Variants in ANKRD30A observed in about 807,000 individuals in gnomAD.
The protein encoded by ANKRD30A is ankyrin repeat domain 30A.
In ANKRD30A, 170 loss-of-function variants were observed where a neutral mutation model predicts 166.3. The ratio of observed to expected loss-of-function variants is 1.02; its 90% CI spans 0.90 to 1.16. The LOEUF is 1.16. Ranked by LOEUF, ANKRD30A falls within the 50% of genes most tolerant of loss-of-function variation. The pLI is 0.00. For missense variants in ANKRD30A, 1,630 were observed against 1,518.0 expected (o/e 1.07, Z -1.23); for synonymous variants, 564 against 508.9 (o/e 1.11, Z -1.46).
chr10:37,197,403 T>C lies in ANKRD30A; in HGVS notation c.2644-5T>C. On this transcript the variant is annotated splice_region_variant and splice_polypyrimidine_tract_variant and intron_variant, in intron 28 of 35. Transcript: ENST00000361713. ...ATTAATCATTTTGCTTCCAACCCCA[T>C]TTAGCCTGCCATTGAAATGCAAAAG... is the stretch of plus-strand genomic sequence containing the variant. 1.2e-6 allele frequency: 2 copies of C among 1,612,668 alleles called. No individual in the cohort carries two copies. Among genetic ancestry groups the C allele is most frequent in the Non-Finnish European group, 8.5e-7 (1 of 1,179,726 alleles).
At chr10:37,153,401 T>G (rs1297954460) in intron 12 of ANKRD30A, among the ~76,000 whole-genome samples, 171 bp from the exon 13 acceptor site, 3 of 152,132 alleles carry the variant, frequency 2.0e-5, no homozygotes, top group Non-Finnish European at 4.4e-5. Flanking sequence ...GAGGGTTGTG[T>G]GAGGTTTTCT....
At chr10:37,202,899 A>G (rs1841737495) in intron 31 of ANKRD30A, among the ~76,000 whole-genome samples, 2 of 152,306 alleles carry the variant, frequency 1.3e-5, no homozygotes, top group African/African-American at 4.8e-5. Context: ...AAAAATGGAT[A>G]AATTCCTGGA....
At position 37,219,334 on chromosome 10, in the gene ANKRD30A, G is replaced by A. The variant is rs1588949096; in HGVS notation, c.3622G>A (p.Asp1208Asn). The change falls in exon 34 of 36, where the codon GAC becomes AAC. Residue 1208 changes from aspartate to asparagine, a missense_variant. Asp to Asn is a conservative substitution (Grantham distance 23). Transcript: ENST00000361713. ...TCCTAGACTGGCTTCTGCTGTACAA[G>A]ACCATGATCAAATTGTGACATCAAG... ...HHPRLASAVQ[D>N]HDQIVTSRKS... 1 of 1,610,340 alleles carries A rather than the reference G, an allele frequency of 6.2e-7. No homozygotes were observed. Among genetic ancestry groups the A allele is most frequent in the Non-Finnish European group, 8.5e-7 (1 of 1,177,586 alleles).
chr10:37,231,532 T>C lies in ANKRD30A; in HGVS notation c.*63T>C. ...AGACCAGATCTTTACTCACAACTCA[T>C]GCTAGGAGGCCAGTCCTAGCATCAC... On this transcript the variant is annotated 3_prime_UTR_variant, in exon 35 of 36. Coordinates refer to ENST00000361713, the MANE Select transcript of ANKRD30A (RefSeq NM_052997.3). 2 of 1,418,260 alleles carry C rather than the reference T, an allele frequency of 1.4e-6. No homozygotes were observed. The highest frequency in any genetic ancestry group is 1.9e-6 in the Non-Finnish European group (2 of 1,032,832). 87.9% of individuals were successfully genotyped at this position (1,418,260 alleles called of 1,614,324 possible). A position where few individuals can be genotyped will look rare whatever the true frequency, so the allele number is the denominator to read the frequency against.
chr10:37,159,710 G>GTTTTGT (rs1239120579), intron 15 of ANKRD30A, among the ~76,000 whole-genome samples: 1 of 151,384 alleles, frequency 6.6e-6, no homozygotes, highest in African/African-American at 2.4e-5. Flanking sequence ...TTTTTGTTTT[G>GTTTTGT]TTTTGTTTTT....
intron 34 of ANKRD30A, among the ~76,000 whole-genome samples, chr10:37,231,106 C>T (rs1843392184): frequency 6.6e-6 from 1 of 151,954 alleles, no homozygotes; most frequent in Non-Finnish European, 1.5e-5. Flanking sequence ...AATCTTTAAA[C>T]TGGTTTAATA....
intron 30 of ANKRD30A, among the ~76,000 whole-genome samples, chr10:37,200,233 C>T (rs1021820505): frequency 9.9e-5 from 15 of 151,928 alleles, no homozygotes; most frequent in African/African-American, 7.2e-5. Flanking sequence ...GGGACTTGAA[C>T]GTATTGACAT....
At chr10:37,161,145 G>T (rs1334553905) in intron 15 of ANKRD30A, among the ~76,000 whole-genome samples, 1 of 152,164 alleles carries the variant, frequency 6.6e-6, no homozygotes, top group Admixed American at 6.5e-5. Flanking sequence ...TAAGTTCTCA[G>T]GTGATGCTGA....
downstream of ANKRD30A, among the ~76,000 whole-genome samples, chr10:37,234,267 C>G (rs1027385583): frequency 6.6e-6 from 1 of 151,824 alleles, no homozygotes; most frequent in Non-Finnish European, 1.5e-5. Context: ...ATGCTTTGTT[C>G]TATATATGAG....
intron 5 of ANKRD30A, 138 bp downstream of exon 5, chr10:37,134,191 TC>T (rs1331509281): frequency 2.9e-6 from 3 of 1,047,120 alleles, no homozygotes; most frequent in Non-Finnish European, 4.2e-6. Context: ...GGTCCAGGAT[TC>T]TTTATTTTAG....
chr10:37,160,991 C>A (rs1282666666), intron 15 of ANKRD30A, among the ~76,000 whole-genome samples: 2 of 152,138 alleles, frequency 1.3e-5, no homozygotes, highest in African/African-American at 4.8e-5. Context: ...CGGTGGCTCA[C>A]GCCTGTAATC....
chr10:37,193,363 T>C (rs1280732414), intron 27 of ANKRD30A, 105 bp downstream of exon 27: 8 of 1,336,938 alleles, frequency 6.0e-6, no homozygotes, highest in Non-Finnish European at 7.1e-6. Flanking sequence ...CATAATTTGA[T>C]GGGAAATTTC....
At chr10:37,149,000 A>G (rs1837711217) in intron 9 of ANKRD30A, among the ~76,000 whole-genome samples, 1 of 152,076 alleles carries the variant, frequency 6.6e-6, no homozygotes, top group South Asian at 2.1e-4. Context: ...TAATTTTTAT[A>G]TACATATGTC....
intron 31 of ANKRD30A, among the ~76,000 whole-genome samples, chr10:37,204,671 A>G (rs1172580449): frequency 2.0e-5 from 3 of 152,048 alleles, no homozygotes; most frequent in Admixed American, 6.6e-5. Context: ...AACTACCATG[A>G]GAATGAACAG....
intron 31 of ANKRD30A, among the ~76,000 whole-genome samples, chr10:37,203,238 A>G (rs560999283): frequency 3.9e-5 from 6 of 152,356 alleles, no homozygotes; most frequent in African/African-American, 1.4e-4. Flanking sequence ...AATCCTCAAT[A>G]AAATACTGGC....
chr10:37,191,053 G>A (rs188870971), intron 25 of ANKRD30A, among the ~76,000 whole-genome samples: 2,061 of 151,768 alleles, frequency 0.014, 61 homozygotes, highest in East Asian at 0.096. Context: ...GTTGTTATTC[G>A]TAGGTATTTT....
At chr10:37,248,550 T>A in the ANKRD30A span, among the ~76,000 whole-genome samples, 1 of 152,138 alleles carries the variant, frequency 6.6e-6, no homozygotes, top group African/African-American at 2.4e-5. Flanking sequence ...AGATCCGCTG[T>A]GGAAGACTTT....
chr10:37,130,952 T>C (rs1416785721), intron 3 of ANKRD30A, among the ~76,000 whole-genome samples: 1 of 152,186 alleles, frequency 6.6e-6, no homozygotes, highest in East Asian at 1.9e-4. Context: ...GATTTCAAGG[T>C]ATTCAAGACA....
At chr10:37,152,036 GT>G in intron 11 of ANKRD30A, 23 bp from the exon 12 acceptor site, 1 of 1,578,480 alleles carries the variant, frequency 6.3e-7, no homozygotes, top group Non-Finnish European at 8.7e-7. Flanking sequence ...TGTCATGAAT[GT>G]TTCTGTGATT....
Sources: gnomAD v4.1 joint callset for allele counts (sites outside exome capture counted in the v4.1 genomes callset) on GRCh38, gnomAD v4.1.1 for gene constraint, MANE v1.5 for transcripts, NCBI Gene and HGNC (gene_info 2026-07-23, HGNC 2026-07-21) for gene names.